RBM41: variants seen among roughly 807,000 people sequenced by gnomAD.
RBM41 encodes the protein RNA binding motif protein 41, also known as RNA-binding protein 41.
Under a neutral mutation model 30.8 loss-of-function variants are expected in RBM41, and 14 were observed. The observed-to-expected ratio is 0.45, with a 90% CI of 0.30 to 0.71. The LOEUF (loss-of-function observed/expected upper bound fraction) is 0.71. RBM41 is among the 30% of genes least tolerant of loss of function. RBM41 has a pLI of 0.08. For synonymous variants in RBM41, 120 were observed against 110.1 expected (o/e 1.09, Z -0.56); for missense variants, 276 against 326.3 (o/e 0.85, Z 1.19).
In RBM41 at chrX:107,075,978, C is replaced by G. The variant is rs773880009; in HGVS notation, c.1000-6576G>C. On this transcript the variant is annotated intron_variant, in intron 6 of 7. Transcript: ENST00000685964. ...CACAATAGTCAACAGGTGGAAAAAC[C>G]TAAGTGTCCACTGACTGATGAATAG... 5.4e-5 allele frequency among the ~76,000 whole-genome samples: 6 copies of G among 111,465 alleles called. No individual in the cohort carries two copies. The East Asian group carries it at 1.7e-3, about 31-fold the overall frequency.
chrX:107,097,579 C>T (rs186688067), intron 5 of RBM41, among the ~76,000 whole-genome samples: 16 of 111,710 alleles, frequency 1.4e-4, no homozygotes, highest in African/African-American at 5.2e-4. Context: ...GCTTCCCCTT[C>T]CGCTATGATT....
At position 107,115,445 on chromosome X, in the gene RBM41, T is replaced by C; in HGVS notation, c.430A>G (p.Ser144Gly). ...ILCLPQRFAKSKQLTRREMEI... is the reference protein window; with the variant it reads ...ILCLPQRFAKGKQLTRREMEI... ...ATTTCTCGCCGGGTCAGCTGTTTGC[T>C]CTTTGCAAATCTCTGTGGCAGGCAA... The change falls in exon 4 of 8, where the codon AGC becomes GGC. Residue 144 changes from serine to glycine, a missense_variant. Physicochemically the swap from Ser to Gly is moderately conservative, Grantham distance 56 (BLOSUM62 0). Transcript: ENST00000685964. The C allele has an allele frequency of 7.4e-6, 9 of 1,211,908 alleles. No individual in the cohort carries two copies. Among genetic ancestry groups the C allele is most frequent in the Non-Finnish European group, 8.9e-6 (8 of 895,471 alleles).
At chrX:107,093,812 G>T in intron 5 of RBM41, among the ~76,000 whole-genome samples, 1 of 111,787 alleles carries the variant, frequency 8.9e-6, no homozygotes, top group East Asian at 2.8e-4. Flanking sequence ...CTGGTTCTTT[G>T]AAAAGTTTAA....
intron 6 of RBM41, among the ~76,000 whole-genome samples, chrX:107,072,214 C>A (rs1324360427): frequency 9.6e-6 from 1 of 103,738 alleles, no homozygotes; most frequent in African/African-American, 3.7e-5. Flanking sequence ...TTGCAGACAA[C>A]ATGATCTTAT....
At chrX:107,067,870 A>T (rs1935904142) in intron 7 of RBM41, among the ~76,000 whole-genome samples, 177 bp from the exon 8 acceptor site, 1 of 111,826 alleles carries the variant, frequency 8.9e-6, no homozygotes, top group African/African-American at 3.2e-5. Flanking sequence ...AAATTAAATT[A>T]ATGGCAAAAA....
chrX:107,106,595 A>G (rs760404630), intron 5 of RBM41, among the ~76,000 whole-genome samples: 13 of 111,552 alleles, frequency 1.2e-4, no homozygotes, highest in African/African-American at 3.9e-4. Flanking sequence ...CACTATTCAC[A>G]ATAGCAAAGA....
chrX:107,056,748 ATCT>A, the RBM41 span, among the ~76,000 whole-genome samples: 1 of 109,096 alleles, frequency 9.2e-6, no homozygotes, highest in African/African-American at 3.3e-5. Context: ...AATAAATTGA[ATCT>A]TCTTTTTCTT....
chrX:107,084,003 A>C (rs1180965617), intron 6 of RBM41, among the ~76,000 whole-genome samples: 4 of 107,609 alleles, frequency 3.7e-5, no homozygotes, highest in Non-Finnish European at 7.7e-5. Context: ...ATCCAAAGAG[A>C]CCATTAGTAT....
Position 107,115,959 on chromosome X carries a change from G to T in RBM41, c.221C>A (p.Thr74Lys). 8.3e-7 allele frequency: 1 copy of T among 1,210,268 alleles called. No individual in the cohort carries two copies. Among genetic ancestry groups the T allele is most frequent in the Non-Finnish European group, 1.1e-6 (1 of 894,688 alleles). Residue 74 changes from threonine (T) to lysine (K), a missense_variant, in exon 3 of 8, where the codon ACA becomes AAA. Physicochemically the swap from Thr to Lys is moderately conservative, Grantham distance 78. Transcript: ENST00000685964. ...AGTMTLSQFQ[T>K]LHEKDQETAS... ...AGTTTCCTGGTCCTTCTCATGCAGT[G>T]TCTGGAATTGGGACAAAGTCATAGT... is the stretch of plus-strand genomic sequence containing the variant.
chrX:107,114,578 T>G (rs1924748541), intron 4 of RBM41: 1 of 111,128 alleles, frequency 9.0e-6, no homozygotes, highest in Admixed American at 9.6e-5. Flanking sequence ...TAAAAGAACA[T>G]TTAAATCTTA....
chrX:107,052,416 G>A, the RBM41 span, among the ~76,000 whole-genome samples: 260 of 110,977 alleles, frequency 2.3e-3, 2 homozygotes, highest in Non-Finnish European at 3.9e-3. Context: ...ATTCTTAGTC[G>A]GCCTAGGAAA....
chrX:107,071,627 C>T (rs1416230693), intron 6 of RBM41, among the ~76,000 whole-genome samples: 1 of 111,859 alleles, frequency 8.9e-6, no homozygotes, highest in African/African-American at 3.2e-5. Context: ...TGTAATACAA[C>T]ACATTAACAG....
chrX:107,100,676 C>A (rs1255116814), intron 5 of RBM41, among the ~76,000 whole-genome samples: 1 of 111,035 alleles, frequency 9.0e-6, no homozygotes, highest in Non-Finnish European at 1.9e-5. Context: ...GGGGGAATCC[C>A]TTCAGAAATT....
At chrX:107,089,900 T>C (rs1922360673) in intron 5 of RBM41, among the ~76,000 whole-genome samples, 1 of 111,806 alleles carries the variant, frequency 8.9e-6, no homozygotes, top group Admixed American at 9.5e-5. Flanking sequence ...TTATTAAGAG[T>C]TGCAAATCAT....
At chrX:107,074,586 A>T (rs893190968) in intron 6 of RBM41, among the ~76,000 whole-genome samples, 1 of 112,330 alleles carries the variant, frequency 8.9e-6, no homozygotes, top group Non-Finnish European at 1.9e-5. Context: ...AAAAATCAAC[A>T]TAGAAAAATT....
intron 5 of RBM41, among the ~76,000 whole-genome samples, chrX:107,093,706 CAG>C (rs1922744139): frequency 1.8e-5 from 2 of 111,185 alleles, no homozygotes; most frequent in Admixed American, 9.6e-5. Flanking sequence ...GTCAACTAAA[CAG>C]AAAGCAAGTA....
chrX:107,088,160 C>T (rs1379889346), intron 6 of RBM41, among the ~76,000 whole-genome samples: 2 of 111,470 alleles, frequency 1.8e-5, no homozygotes, highest in African/African-American at 3.3e-5. Context: ...TCCTTCAATT[C>T]GGGGCTTCTA....
downstream of RBM41, among the ~76,000 whole-genome samples, chrX:107,059,922 T>C (rs1380840156): frequency 1.8e-5 from 2 of 111,220 alleles, no homozygotes; most frequent in East Asian, 2.8e-4. Context: ...CAGATCTTGG[T>C]TTCTAAAAGT....
rs1229579295 is a variant in RBM41, at chrX:107,088,605, A to G, written c.830T>C (p.Val277Ala). Residue 277 changes from valine to alanine, a missense_variant, in exon 6 of 8, where the codon GTG (valine) becomes GCG (alanine). By Grantham distance (64) the Val-to-Ala change is moderately conservative. Coordinates refer to ENST00000685964, the MANE Select transcript of RBM41 (RefSeq NM_001324242.2). ...AGGTGAAAAATCAATAACATTTGCC[A>G]CATGGAGACTGGGGCCTTTACCCTG... The part of the protein sequence containing the change: ...AAQGKGPSLH[V>A]ANVIDFSPEQ... The G allele has an allele frequency of 1.7e-6, 2 of 1,209,544 alleles. No individual in the cohort carries two copies. Among genetic ancestry groups the G allele is most frequent in the African/African-American group, 3.5e-5 (2 of 56,999 alleles).
Sources: allele counts gnomAD v4.1 joint callset (sites outside exome capture counted in the v4.1 genomes callset), GRCh38; gene constraint gnomAD v4.1.1; transcripts MANE v1.5; gene names NCBI Gene and HGNC (gene_info 2026-07-23, HGNC 2026-07-21).